The following SFSWAP variants were observed in gnomAD, a reference collection of about 807,000 sequenced individuals.
SFSWAP encodes splicing factor, suppressor of white-apricot homolog.
In SFSWAP, 17 loss-of-function variants were observed where a neutral mutation model predicts 100.7. That is an observed-to-expected ratio of 0.17 (90% CI 0.12 to 0.25). The LOEUF is 0.25. Among genes scored for constraint, SFSWAP ranks in the 10% least tolerant of loss-of-function variants. The pLI, the probability that SFSWAP is intolerant of heterozygous loss-of-function variation, is 1.00. For missense variants in SFSWAP, 1,005 were observed against 1,262.6 expected (o/e 0.80, Z 3.09); for synonymous variants, 504 against 510.1 (o/e 0.99, Z 0.16).
intron 7 of SFSWAP, among the ~76,000 whole-genome samples, chr12:131,735,689 G>A (rs772252467): frequency 2.0e-5 from 3 of 152,194 alleles, no homozygotes; most frequent in Non-Finnish European, 4.4e-5. Context: ...TGGTCCTCAC[G>A]TGAGCTGCAC....
intron 14 of SFSWAP, among the ~76,000 whole-genome samples, chr12:131,786,238 G>A (rs190967261): frequency 6.3e-4 from 96 of 152,330 alleles, no homozygotes; most frequent in African/African-American, 2.2e-3. Context: ...GTGTGGAACG[G>A]GAGAGAGACC....
At position 131,756,514 on chromosome 12, in the gene SFSWAP, C is replaced by G. The variant is rs528307334; in HGVS notation, c.1590C>G (p.Pro530=). The part of the protein sequence containing the change: ...APEEAPTDSA[P]EKPSDAGEDG... Reference sequence around the variant, plus strand: ...AAGAGGCTCCCACAGACTCTGCTCCCGAGAAGCCAAGTGATGCTGGGGAGG... The same window carrying G: ...AAGAGGCTCCCACAGACTCTGCTCCGGAGAAGCCAAGTGATGCTGGGGAGG... The change falls in exon 11 of 18, where the codon CCC becomes CCG. Residue 530 remains proline, a synonymous_variant. Coordinates refer to ENST00000261674, the MANE Select transcript of SFSWAP (RefSeq NM_004592.4). 2.2e-5 allele frequency: 36 copies of G among 1,613,944 alleles called. No individual in the cohort carries two copies. Among genetic ancestry groups the G allele is most frequent in the Non-Finnish European group, 4.2e-6 (5 of 1,180,010 alleles).
chr12:131,784,973 C>A, intron 14 of SFSWAP: 1 of 924,868 alleles, frequency 1.1e-6, no homozygotes, highest in Non-Finnish European at 1.5e-6. Context: ...ATTCCCCAGC[C>A]GCTATAGCTT....
Position 131,754,507 on chromosome 12 carries a change from G to C in SFSWAP, c.1454+8G>C, listed in dbSNP as rs750594754. On this transcript the variant is annotated splice_region_variant and intron_variant, in intron 9 of 17. Transcript: ENST00000261674. ...TGCCAAGAATGATCAAAGGTCAGAA[G>C]AAGAATTTTATATGTTAGGTATATG... The C allele has an allele frequency of 3.9e-6, 6 of 1,548,580 alleles. No individual in the cohort carries two copies. The African/African-American group carries it at 5.5e-5, about 14-fold the overall frequency.
In SFSWAP at chr12:131,786,566, A is replaced by C; in HGVS notation, c.2512A>C (p.Ser838Arg). ...CCGCGTGAGCCGCAGCCCTGGGGCC[A>C]GTAGGAAGCGGACCCGCTCCAGGTA... ...AYRVSRSPGA[S>R]RKRTRSRSPH... is the part of the protein sequence containing the mutation. Residue 838 changes from serine (S) to arginine (R), a missense_variant, in exon 15 of 18, where the codon AGT becomes CGT. Transcript: ENST00000261674. 6.3e-7 allele frequency: 1 copy of C among 1,590,450 alleles called. No homozygotes were observed. Among genetic ancestry groups the C allele is most frequent in the Non-Finnish European group, 8.6e-7 (1 of 1,169,484 alleles).
chr12:131,797,291 C>G lies in SFSWAP; in HGVS notation c.2648C>G (p.Ala883Gly), dbSNP rs140639709. Residue 883 changes from alanine (A) to glycine (G), a missense_variant, in exon 16 of 18, where the codon GCG (alanine) becomes GGG (glycine). Physicochemically the swap from Ala to Gly is moderately conservative, Grantham distance 60 (BLOSUM62 0). This residue lies in a region of SFSWAP where 295 missense variants were observed against 347.9 expected (regional missense o/e 0.85). Coordinates refer to ENST00000261674, the MANE Select transcript of SFSWAP (RefSeq NM_004592.4). ...GCAGCGCCCCGGCCCGCGGCCCCCG[C>G]GGCCCACTCGGCGCACTCAGCCAGC... Reference protein sequence around the residue: ...KQAAPRPAAPAAHSAHSASVS... With the variant: ...KQAAPRPAAPGAHSAHSASVS... 16 of 1,611,356 alleles carry G rather than the reference C, an allele frequency of 9.9e-6. No homozygotes were observed. The highest frequency in any genetic ancestry group is 1.4e-5 in the Non-Finnish European group (16 of 1,179,102).
Position 131,778,621 on chromosome 12 carries a change from G to C in SFSWAP, c.2408+291G>C, listed in dbSNP as rs1368684317. ...CAACCTCCGCTTCCCAGGTTCAAGT[G>C]ATTCTCCTGCCTCAGCCTCCTGAGT... On this transcript the variant is annotated intron_variant, in intron 14 of 17. Coordinates refer to ENST00000261674, the MANE Select transcript of SFSWAP (RefSeq NM_004592.4). The surrounding 1 kb of genome is among the most constrained non-coding windows in gnomAD (Gnocchi z 4.2). Among the ~76,000 whole-genome samples the C allele has an allele frequency of 6.6e-6, 1 of 152,156 alleles. No homozygotes were observed. The highest frequency in any genetic ancestry group is 2.4e-5 in the African/African-American group (1 of 41,448).
rs531037132 is a variant in SFSWAP at position 131,723,722 on chromosome 12, G to A, written c.607-1683G>A. Among the ~76,000 whole-genome samples the A allele has an allele frequency of 2.9e-3, 440 of 152,278 alleles. 3 individuals are homozygous for A. Among genetic ancestry groups the A allele is most frequent in the Non-Finnish European group, 5.0e-3 (340 of 68,028 alleles). The stretch of plus-strand genomic sequence containing the variant: ...AAAGCTCTTAGGAAACCGTGCATTT[G>A]TGTGGGTTTTCTGACCTGTAGATAC... On this transcript the variant is annotated intron_variant, in intron 4 of 17. Transcript: ENST00000261674.
rs190900404 is a variant in SFSWAP at position 131,752,057 on chromosome 12, C to T, written c.1082-1066C>T. Among the ~76,000 whole-genome samples the T allele has an allele frequency of 4.4e-3, 670 of 152,286 alleles. 8 individuals carry two copies. Among genetic ancestry groups the T allele is most frequent in the African/African-American group, 0.014 (573 of 41,548 alleles). On this transcript the variant is annotated intron_variant, in intron 7 of 17. Coordinates refer to ENST00000261674, the MANE Select transcript of SFSWAP (RefSeq NM_004592.4). The stretch of plus-strand genomic sequence containing the variant: ...GCAGCTGGGGAATATGCCTACAGCA[C>T]ATAGGAATTATGCTGCCTCGCCAAT...
intron 13 of SFSWAP, among the ~76,000 whole-genome samples, chr12:131,772,618 C>T (rs181378487): frequency 6.3e-4 from 96 of 152,278 alleles, no homozygotes; most frequent in African/African-American, 2.2e-3. Context: ...GCAGGCTCTG[C>T]GCTGGCCTCA....
At chr12:131,716,384 G>A (rs1256673563) in intron 3 of SFSWAP, among the ~76,000 whole-genome samples, 1 of 152,160 alleles carries the variant, frequency 6.6e-6, no homozygotes, top group Admixed American at 6.5e-5. Context: ...GTTCTATCAG[G>A]TCTAAAACGT....
At chr12:131,741,128 C>T (rs563487985) in intron 7 of SFSWAP, among the ~76,000 whole-genome samples, 7 of 151,750 alleles carry the variant, frequency 4.6e-5, no homozygotes, top group South Asian at 2.1e-4. Context: ...TCCGACACCA[C>T]GCTTGGCTAA....
In SFSWAP at chr12:131,755,372, C is replaced by G. The variant is rs756386963; in HGVS notation, c.1455-14C>G. 1.0e-5 allele frequency: 16 copies of G among 1,604,644 alleles called. No individual in the cohort carries two copies. The South Asian group carries it at 1.7e-4, about 17-fold the overall frequency. The stretch of plus-strand genomic sequence containing the variant: ...TCTTGGTAAATGACCCATTTTCTTT[C>G]TTTTTCTGCTCAGATTTGAGTTCCT... On this transcript the variant is annotated splice_polypyrimidine_tract_variant and intron_variant, in intron 9 of 17. Coordinates refer to ENST00000261674, the MANE Select transcript of SFSWAP (RefSeq NM_004592.4).
At chr12:131,720,979 G>A (rs529343981) in intron 4 of SFSWAP, among the ~76,000 whole-genome samples, 3 of 152,270 alleles carry the variant, frequency 2.0e-5, no homozygotes, top group East Asian at 1.9e-4. Flanking sequence ...ACAGGAAGCC[G>A]GGCAGCATCT....
At chr12:131,792,074 C>T (rs141964414) in intron 15 of SFSWAP, among the ~76,000 whole-genome samples, 14 of 151,530 alleles carry the variant, frequency 9.2e-5, no homozygotes, top group Middle Eastern at 3.5e-3. Context: ...TGTGTGTTCA[C>T]GGATCATTAC....
chr12:131,740,246 G>A (rs555406223), intron 7 of SFSWAP, among the ~76,000 whole-genome samples: 1 of 152,196 alleles, frequency 6.6e-6, no homozygotes, highest in African/African-American at 2.4e-5. Flanking sequence ...ATCTTTCTCA[G>A]CTGCCTTTTA....
At chr12:131,773,508 A>AT (rs993395549) in intron 13 of SFSWAP, among the ~76,000 whole-genome samples, 1 of 151,800 alleles carries the variant, frequency 6.6e-6, no homozygotes, top group Non-Finnish European at 1.5e-5. Context: ...GCCCAGCTAA[A>AT]TTTTTTTGTA....
At chr12:131,776,916 G>A (rs891399271) in intron 13 of SFSWAP, among the ~76,000 whole-genome samples, 3 of 152,224 alleles carry the variant, frequency 2.0e-5, no homozygotes, top group Admixed American at 6.5e-5. Context: ...ATCTGGTTCC[G>A]ATGCGCTGTG....
chr12:131,731,576 AT>A (rs1038843341), intron 7 of SFSWAP, among the ~76,000 whole-genome samples: 2 of 152,212 alleles, frequency 1.3e-5, no homozygotes, highest in Admixed American at 6.5e-5. Flanking sequence ...ACTGACTACT[AT>A]GTGGTTATTG....
Sources: allele counts gnomAD v4.1 joint callset (sites outside exome capture counted in the v4.1 genomes callset), GRCh38; gene constraint gnomAD v4.1.1; regional missense constraint gnomAD v4.1.1; non-coding constraint Gnocchi (gnomAD v3.1); transcripts MANE v1.5; gene names NCBI Gene and HGNC (gene_info 2026-07-23, HGNC 2026-07-21).